The following PCLO variants were observed in gnomAD, a reference collection of about 807,000 sequenced individuals.
PCLO encodes the protein piccolo presynaptic cytomatrix protein.
Under a neutral mutation model 427.5 loss-of-function variants are expected in PCLO, and 82 were observed. The observed-to-expected ratio is 0.19, with a 90% confidence interval of 0.16 to 0.23. PCLO has a LOEUF of 0.23. Ranked by LOEUF, PCLO falls within the 10% of genes least tolerant of loss-of-function variation. The pLI is 1.00. For synonymous variants in PCLO, 2,357 were observed against 2,155.4 expected, an observed-to-expected ratio of 1.09 and a Z score of -2.59; for missense variants, 6,239 against 6,115.9, an observed-to-expected ratio of 1.02 and a Z score of -0.67.
intron 3 of PCLO, among the ~76,000 whole-genome samples, chr7:82,980,523 T>C (rs140688488): frequency 2.0e-4 from 30 of 152,180 alleles, no homozygotes; most frequent in Middle Eastern, 3.4e-3. Context: ...CTAAAGAAAA[T>C]TGACAGTGCT....
At chr7:82,814,971 T>C (rs1791647317) in intron 20 of PCLO, among the ~76,000 whole-genome samples, 2 of 151,980 alleles carry the variant, frequency 1.3e-5, no homozygotes, top group South Asian at 4.1e-4. Context: ...AACAATTACA[T>C]ATGTCAAGAT....
intron 3 of PCLO, among the ~76,000 whole-genome samples, chr7:83,127,086 T>A (rs1791456060): frequency 6.6e-6 from 1 of 152,090 alleles, no homozygotes; most frequent in Admixed American, 6.5e-5. Context: ...GCTTTGTTTA[T>A]AAAGTAACAA....
intron 6 of PCLO, among the ~76,000 whole-genome samples, chr7:82,929,351 C>A (rs1420464655): frequency 1.3e-5 from 2 of 151,970 alleles, no homozygotes; most frequent in Admixed American, 1.3e-4. Flanking sequence ...AATATAGAGG[C>A]AGTATATAAC....
chr7:82,991,484 T>C (rs1016182183), intron 3 of PCLO, among the ~76,000 whole-genome samples: 6 of 152,164 alleles, frequency 3.9e-5, no homozygotes, highest in African/African-American at 1.4e-4. Context: ...TATTCCTTTT[T>C]ACTATCATGA....
chr7:82,795,902 T>A (rs1489098176), intron 22 of PCLO, among the ~76,000 whole-genome samples: 1 of 152,210 alleles, frequency 6.6e-6, no homozygotes, highest in African/African-American at 2.4e-5. Flanking sequence ...TTATCTTGAT[T>A]CAAAAGCCTC....
At chr7:83,096,830 A>ATATATT (rs1177162019) in intron 3 of PCLO, among the ~76,000 whole-genome samples, 3 of 41,568 alleles carry the variant, frequency 7.2e-5, no homozygotes, top group Admixed American at 4.8e-4. Flanking sequence ...AATATATAAA[A>ATATATT]ATATATTATA....
intron 3 of PCLO, among the ~76,000 whole-genome samples, chr7:83,106,337 G>GA (rs1309319078): frequency 6.6e-6 from 1 of 152,082 alleles, no homozygotes; most frequent in East Asian, 1.9e-4. Context: ...ATCCTCAGCT[G>GA]AAAAAATGTC....
intron 6 of PCLO, among the ~76,000 whole-genome samples, chr7:82,928,699 G>T (rs980103181): frequency 3.9e-5 from 6 of 152,040 alleles, no homozygotes; most frequent in Admixed American, 6.6e-5. Flanking sequence ...TTTAAACATG[G>T]GTATAGAAAC....
At chr7:83,029,020 G>C in intron 3 of PCLO, among the ~76,000 whole-genome samples, 1 of 152,000 alleles carries the variant, frequency 6.6e-6, no homozygotes, top group Non-Finnish European at 1.5e-5. Context: ...AGAAAACCTA[G>C]GCAATACCAT....
chr7:83,122,313 T>G (rs1458177142), intron 3 of PCLO, among the ~76,000 whole-genome samples: 2 of 150,380 alleles, frequency 1.3e-5, no homozygotes, highest in East Asian at 3.9e-4. Context: ...TTTTATGGTG[T>G]TTTGCTCTAT....
At chr7:83,150,593 T>A (rs1184843940) in intron 2 of PCLO, among the ~76,000 whole-genome samples, 1 of 151,600 alleles carries the variant, frequency 6.6e-6, no homozygotes, top group Non-Finnish European at 1.5e-5. Context: ...TGTGGCTGAG[T>A]GTAGCTAATT....
intron 2 of PCLO, among the ~76,000 whole-genome samples, chr7:83,137,666 C>T (rs953563650): frequency 7.2e-5 from 11 of 152,142 alleles, no homozygotes; most frequent in East Asian, 1.9e-4. Context: ...CTCCTGACCT[C>T]GTGATCTGCC....
intron 9 of PCLO, among the ~76,000 whole-genome samples, chr7:82,887,458 C>A (rs528687284): frequency 1.4e-4 from 21 of 152,258 alleles, no homozygotes; most frequent in Admixed American, 1.1e-3. Flanking sequence ...ATCCTCCTAT[C>A]CTTGAATATT....
intron 3 of PCLO, among the ~76,000 whole-genome samples, chr7:82,995,882 T>G (rs969495978): frequency 6.6e-6 from 1 of 151,948 alleles, no homozygotes; most frequent in African/African-American, 2.4e-5. Flanking sequence ...GTTTGACATA[T>G]AAGTATGTTT....
intron 20 of PCLO, among the ~76,000 whole-genome samples, chr7:82,812,365 T>C (rs1021585717): frequency 3.3e-5 from 5 of 151,582 alleles, no homozygotes; most frequent in Non-Finnish European, 1.5e-5. Context: ...AAAAAATACA[T>C]GTTGGCTCCG....
Position 82,954,671 on chromosome 7 carries a change from G to T in PCLO, c.6282C>A (p.Ser2094=). 6.2e-7 allele frequency: 1 copy of T among 1,613,848 alleles called. No individual in the cohort carries two copies. The highest frequency in any genetic ancestry group is 1.3e-5 in the African/African-American group (1 of 75,016). The change falls in exon 5 of 25, where the codon TCC becomes TCA. Residue 2094 remains serine, a synonymous_variant. Transcript: ENST00000333891. ...QAPIGEDMTE[S]TMDFDRMPDA... is the part of the protein sequence containing the mutation. ...CTGGCATTCTGTCAAAGTCCATGGT[G>T]GACTCTGTCATATCCTCACCAATGG...
At chr7:82,876,453 T>TACAC (rs1491311772) in intron 10 of PCLO, among the ~76,000 whole-genome samples, 1 of 60,426 alleles carries the variant, frequency 1.7e-5, no homozygotes, top group Non-Finnish European at 3.0e-5. Flanking sequence ...CAAAAACAAG[T>TACAC]ATACACACAC....
At position 82,966,053 on chromosome 7, in the gene PCLO, G is replaced by C; in HGVS notation, c.3735C>G (p.Asp1245Glu). The C allele has an allele frequency of 6.2e-7, 1 of 1,613,084 alleles. No individual in the cohort carries two copies. The change falls in exon 4 of 25, where the codon GAC (aspartate) becomes GAG (glutamate). Residue 1245 changes from aspartate (D) to glutamate (E), a missense_variant. Physicochemically the swap from Asp to Glu is conservative, Grantham distance 45. Around this residue, in one of 5 missense-constraint regions of PCLO, gnomAD observed 4,677 missense variants for 4,468.4 expected, o/e 1.05. Transcript: ENST00000333891. ...TTTTTGCCTCTGGGAGTAGCTTTTT[G>C]TCTTCAGGGGTTGGCTTTTTTTCTT... is the stretch of plus-strand genomic sequence containing the variant. ...LLEEKKPTPE[D>E]KKLLPEAKTS...
chr7:83,042,393 AATTAAATAATCTCTTG>A (rs1454931043), intron 3 of PCLO, among the ~76,000 whole-genome samples: 2 of 152,208 alleles, frequency 1.3e-5, no homozygotes, highest in Non-Finnish European at 2.9e-5. Context: ...TGAATAGCTT[AATTAAATAATCTCTTG>A]AAATAATTCT....
Sources: allele counts gnomAD v4.1 joint callset (sites outside exome capture counted in the v4.1 genomes callset), GRCh38; gene constraint gnomAD v4.1.1; regional missense constraint gnomAD v4.1.1; transcripts MANE v1.5; gene names NCBI Gene and HGNC (gene_info 2026-07-23, HGNC 2026-07-21).